SP140: variants seen among roughly 807,000 people sequenced by gnomAD.
SP140 encodes SP140 nuclear body protein, also known as nuclear body protein SP140.
SP140 carries 81 observed loss-of-function variants against 125.0 expected under a neutral mutation model. The ratio of observed to expected loss-of-function variants is 0.65; its 90% CI spans 0.54 to 0.78. SP140 has a LOEUF of 0.78. Among genes scored for constraint, SP140 ranks in the 30% least tolerant of loss-of-function variants. The pLI is 0.00. For synonymous variants in SP140, 312 were observed against 354.0 expected (o/e 0.88, Z 1.33); for missense variants, 858 against 1,037.0 (o/e 0.83, Z 2.37).
At chr2:230,218,980 T>C (rs1436378702) in intron 3 of SP140, among the ~76,000 whole-genome samples, 2 of 152,158 alleles carry the variant, frequency 1.3e-5, no homozygotes, top group Non-Finnish European at 2.9e-5. Context: ...ATCCCAGCAC[T>C]TTGGGAGGTT....
intron 4 of SP140, among the ~76,000 whole-genome samples, chr2:230,242,902 C>G (rs2048915436): frequency 6.6e-6 from 1 of 152,208 alleles, no homozygotes; most frequent in Non-Finnish European, 1.5e-5. Flanking sequence ...TCTCCTCCCT[C>G]TAATCTTGCT....
At chr2:230,252,687 C>T (rs1271831568) in intron 10 of SP140, among the ~76,000 whole-genome samples, 2 of 152,136 alleles carry the variant, frequency 1.3e-5, no homozygotes, top group Non-Finnish European at 2.9e-5. Flanking sequence ...AACAGCTAAA[C>T]GTCTATTTTA....
At chr2:230,218,684 C>T (rs1302531216) in intron 3 of SP140, among the ~76,000 whole-genome samples, 1 of 152,128 alleles carries the variant, frequency 6.6e-6, no homozygotes, top group Non-Finnish European at 1.5e-5. Flanking sequence ...TAGTAACTCA[C>T]CCAAGGTATT....
Position 230,312,617 on chromosome 2 carries a change from T to G in SP140, c.2537T>G (p.Leu846Arg). The change falls in exon 27 of 27, where the codon CTG becomes CGG. Residue 846 changes from leucine (L) to arginine (R), a missense_variant. This residue lies in a region of SP140 where 43 missense variants were observed against 35.1 expected (regional missense o/e 1.23). Coordinates refer to ENST00000392045, the MANE Select transcript of SP140 (RefSeq NM_007237.5). ...YKDFGQMGFRLEAEFEKNFKE... is the reference protein window; with the variant it reads ...YKDFGQMGFRREAEFEKNFKE... Reference sequence around the variant, plus strand: ...GATTTTGGCCAAATGGGATTTAGACTGGAGGCTGAGTTTGAGAAGAATTTC... The same window carrying G: ...GATTTTGGCCAAATGGGATTTAGACGGGAGGCTGAGTTTGAGAAGAATTTC... 1 of 1,612,874 alleles carries G rather than the reference T, an allele frequency of 6.2e-7. No individual in the cohort carries two copies.
At chr2:230,305,124 A>G (rs981907935) in intron 22 of SP140, among the ~76,000 whole-genome samples, 1 of 152,240 alleles carries the variant, frequency 6.6e-6, no homozygotes, top group Non-Finnish European at 1.5e-5. Flanking sequence ...TCAAAAGAAG[A>G]TATACAAATG....
At chr2:230,296,957 T>A (rs2057792784) in intron 21 of SP140, among the ~76,000 whole-genome samples, 1 of 152,156 alleles carries the variant, frequency 6.6e-6, no homozygotes, top group Non-Finnish European at 1.5e-5. Flanking sequence ...AAATCAGATA[T>A]GAGGTAAAGG....
At chr2:230,313,411 G>A (rs1338151969), downstream of SP140, among the ~76,000 whole-genome samples, 1 of 152,138 alleles carries the variant, frequency 6.6e-6, no homozygotes, top group Non-Finnish European at 1.5e-5. Flanking sequence ...ATTACCCGGG[G>A]TCAAGTGGAA....
intron 15 of SP140, among the ~76,000 whole-genome samples, chr2:230,274,615 AT>A (rs1195256790): frequency 6.6e-6 from 1 of 152,092 alleles, no homozygotes; most frequent in African/African-American, 2.4e-5. Context: ...GAGACCACAA[AT>A]CTGTGATTTT....
chr2:230,203,536 G>A (rs1018334915), intron 1 of SP140: 1 of 152,258 alleles, frequency 6.6e-6, no homozygotes, highest in African/African-American at 2.4e-5. Flanking sequence ...CTGGCGGGAA[G>A]TTCAAACACG....
At chr2:230,280,984 A>G (rs901974280) in intron 15 of SP140, among the ~76,000 whole-genome samples, 1 of 152,134 alleles carries the variant, frequency 6.6e-6, no homozygotes, top group Non-Finnish European at 1.5e-5. Context: ...GCTACATTAA[A>G]AATTCCAGGT....
intron 1 of SP140, among the ~76,000 whole-genome samples, chr2:230,210,712 A>G (rs1057031102): frequency 1.3e-5 from 2 of 152,256 alleles, no homozygotes; most frequent in African/African-American, 4.8e-5. Flanking sequence ...ATAAAGGCTC[A>G]TCTCACATGA....
At chr2:230,273,626 A>G (rs888062924) in intron 15 of SP140, among the ~76,000 whole-genome samples, 1 of 152,174 alleles carries the variant, frequency 6.6e-6, no homozygotes, top group African/African-American at 2.4e-5. Context: ...AAATCATTCT[A>G]TTATAAAGAC....
downstream of SP140, among the ~76,000 whole-genome samples, chr2:230,314,803 G>T (rs776325523): frequency 5.9e-5 from 9 of 152,154 alleles, no homozygotes; most frequent in Non-Finnish European, 1.0e-4. Context: ...CTGCTGAGGG[G>T]GCAGCACATC....
chr2:230,209,984 G>A, intron 1 of SP140: 1 of 1,606,604 alleles, frequency 6.2e-7, no homozygotes, highest in Non-Finnish European at 8.5e-7. Context: ...TGGGTCATTT[G>A]GTTCTGGAGA....
At chr2:230,301,058 A>T (rs1299623923) in intron 22 of SP140, among the ~76,000 whole-genome samples, 1 of 152,228 alleles carries the variant, frequency 6.6e-6, no homozygotes, top group African/African-American at 2.4e-5. Flanking sequence ...TGAACTACAG[A>T]ACTCGAAGAC....
intron 22 of SP140, among the ~76,000 whole-genome samples, chr2:230,305,957 G>C (rs2058722375): frequency 6.6e-6 from 1 of 152,246 alleles, no homozygotes; most frequent in Admixed American, 6.5e-5. Context: ...CAAGCCAGGA[G>C]AGGGGGTGCC....
At chr2:230,293,950 A>G (rs2057408048) in intron 20 of SP140, among the ~76,000 whole-genome samples, 1 of 152,198 alleles carries the variant, frequency 6.6e-6, no homozygotes, top group South Asian at 2.1e-4. Flanking sequence ...GCTCTGGTGT[A>G]AGGACTCCAG....
At chr2:230,246,647 G>T (rs2049499408) in intron 7 of SP140, among the ~76,000 whole-genome samples, 1 of 152,126 alleles carries the variant, frequency 6.6e-6, no homozygotes, top group Non-Finnish European at 1.5e-5. Flanking sequence ...TATACAGAAA[G>T]ACTGAAGTTT....
upstream of SP140, chr2:230,202,621 G>A: frequency 6.2e-7 from 1 of 1,614,084 alleles, no homozygotes; most frequent in Non-Finnish European, 8.5e-7. Flanking sequence ...CTCGCCTTTT[G>A]GGCCCTTGTC....
Sources: gnomAD v4.1 joint callset for allele counts (sites outside exome capture counted in the v4.1 genomes callset) on GRCh38, gnomAD v4.1.1 for gene constraint, gnomAD v4.1.1 regional missense constraint, MANE v1.5 for transcripts, NCBI Gene and HGNC (gene_info 2026-07-23, HGNC 2026-07-21) for gene names.